PTPRT: variants seen among roughly 807,000 people sequenced by gnomAD.
PTPRT encodes receptor-type tyrosine-protein phosphatase T.
PTPRT carries 56 observed loss-of-function variants against 176.8 expected under a neutral mutation model. The observed-to-expected ratio is 0.32, with a 90% CI of 0.26 to 0.40. The LOEUF is 0.40. Among genes scored for constraint, PTPRT ranks in the 10% least tolerant of loss-of-function variants. The pLI is 1.00. For missense variants in PTPRT, 1,540 were observed against 1,908.2 expected, an observed-to-expected ratio of 0.81 and a Z score of 3.60; for synonymous variants, 783 against 739.0, an observed-to-expected ratio of 1.06 and a Z score of -0.96.
intron 1 of PTPRT, among the ~76,000 whole-genome samples, chr20:43,151,317 CAAA>C (rs11347519): frequency 1.2e-3 from 131 of 108,716 alleles, no homozygotes; most frequent in Middle Eastern, 5.2e-3. Context: ...CCGTCTCAAA[CAAA>C]AAAAAAAAAA....
chr20:42,216,688 T>C (rs1454677550), intron 15 of PTPRT, among the ~76,000 whole-genome samples: 2 of 152,230 alleles, frequency 1.3e-5, no homozygotes, highest in Non-Finnish European at 2.9e-5. Context: ...AGTGACACTT[T>C]CCATTCCTTT....
In PTPRT at chr20:42,218,283, A is replaced by G. The variant is rs1449586293; in HGVS notation, c.2342+17946T>C. Among the ~76,000 whole-genome samples, 8 of 152,376 alleles carry G rather than the reference A, an allele frequency of 5.3e-5. No individual in the cohort carries two copies. The East Asian group carries it at 1.5e-3, about 29-fold the overall frequency. On this transcript the variant is annotated intron_variant, in intron 15 of 30. Transcript: ENST00000373187. ...AAAACTAGAAAATAAAAATGTGTCT[A>G]CATTGTGATTACAACGATGAAGAAG...
chr20:42,681,936 A>G (rs1419743983), intron 6 of PTPRT, among the ~76,000 whole-genome samples: 1 of 152,232 alleles, frequency 6.6e-6, no homozygotes, highest in Non-Finnish European at 1.5e-5. Context: ...AAAATAAAAG[A>G]ATGCATGATG....
chr20:42,589,954 G>A (rs2073540337), intron 7 of PTPRT, among the ~76,000 whole-genome samples: 1 of 152,136 alleles, frequency 6.6e-6, no homozygotes, highest in Admixed American at 6.6e-5. Context: ...CCAGGAGGTG[G>A]AGTTTATGTC....
At chr20:42,573,775 G>A (rs1236517530) in intron 7 of PTPRT, among the ~76,000 whole-genome samples, 10 of 109,818 alleles carry the variant, frequency 9.1e-5, no homozygotes, top group Non-Finnish European at 1.4e-4. Flanking sequence ...TTGAGATGGA[G>A]TCTCACTCTG....
intron 7 of PTPRT, among the ~76,000 whole-genome samples, chr20:42,548,141 T>C (rs1302570849): frequency 6.6e-6 from 1 of 152,102 alleles, no homozygotes; most frequent in Non-Finnish European, 1.5e-5. Context: ...AAATGTGCTA[T>C]ATTATTATTA....
chr20:42,899,555 G>C (rs534841665), intron 1 of PTPRT, among the ~76,000 whole-genome samples: 1 of 152,156 alleles, frequency 6.6e-6, no homozygotes, highest in Non-Finnish European at 1.5e-5. Context: ...TATGCTTGAC[G>C]AGGCTGTTTC....
At chr20:42,919,685 GA>G (rs1257986263) in intron 1 of PTPRT, among the ~76,000 whole-genome samples, 2 of 152,224 alleles carry the variant, frequency 1.3e-5, no homozygotes, top group Non-Finnish European at 2.9e-5. Context: ...TAAAGTTACA[GA>G]GACTTAATAC....
intron 1 of PTPRT, among the ~76,000 whole-genome samples, chr20:43,188,202 C>T (rs937438603): frequency 2.0e-5 from 3 of 152,100 alleles, no homozygotes; most frequent in African/African-American, 7.2e-5. Context: ...ACCTAACACA[C>T]CCCCCAAAAT....
chr20:43,028,100 G>A (rs962069094), intron 1 of PTPRT, among the ~76,000 whole-genome samples: 2 of 152,174 alleles, frequency 1.3e-5, no homozygotes, highest in East Asian at 1.9e-4. Flanking sequence ...TAAGGCAGAC[G>A]AGTCACTGCT....
intron 2 of PTPRT, among the ~76,000 whole-genome samples, chr20:42,860,528 C>T (rs889439639): frequency 3.9e-5 from 6 of 152,082 alleles, no homozygotes; most frequent in African/African-American, 1.4e-4. Context: ...AAATGAAATA[C>T]CTCCGTTTAC....
chr20:42,594,490 C>A (rs537680765), intron 7 of PTPRT, among the ~76,000 whole-genome samples: 1 of 152,232 alleles, frequency 6.6e-6, no homozygotes, highest in South Asian at 2.1e-4. Context: ...TTAATAAAAT[C>A]AAATATAATC....
intron 15 of PTPRT, among the ~76,000 whole-genome samples, chr20:42,221,341 C>T (rs945704044): frequency 1.3e-5 from 2 of 151,984 alleles, no homozygotes; most frequent in Admixed American, 6.6e-5. Flanking sequence ...TATATTAGTC[C>T]ATTCTCATAC....
chr20:42,099,545 G>GT (rs1248898500), intron 26 of PTPRT, among the ~76,000 whole-genome samples: 4 of 51,526 alleles, frequency 7.8e-5, no homozygotes, highest in Admixed American at 1.6e-4. Context: ...AATGGCCTGG[G>GT]CGGGGGGGGG....
intron 1 of PTPRT, among the ~76,000 whole-genome samples, chr20:42,995,288 T>TA (rs1006414627): frequency 2.6e-5 from 4 of 152,150 alleles, no homozygotes; most frequent in Non-Finnish European, 4.4e-5. Flanking sequence ...TAGACAACAT[T>TA]AATGAATAAA....
At chr20:43,030,860 A>G (rs1456911741) in intron 1 of PTPRT, among the ~76,000 whole-genome samples, 1 of 152,216 alleles carries the variant, frequency 6.6e-6, no homozygotes, top group Non-Finnish European at 1.5e-5. Context: ...GAAAGGGAAA[A>G]GCACAAACCC....
chr20:43,078,097 G>A lies in PTPRT; in HGVS notation c.88+111549C>T, dbSNP rs567051505. Among the ~76,000 whole-genome samples the A allele has an allele frequency of 5.9e-5, 9 of 152,204 alleles. No individual in the cohort carries two copies. The East Asian group carries it at 1.2e-3, about 20-fold the overall frequency. ...TACTTAATGTATCTCTCTCCATCTC[G>A]GTTACAAGCTTCATCATAGCAGAAA... On this transcript the variant is annotated intron_variant, in intron 1 of 30. Transcript: ENST00000373187.
intron 8 of PTPRT, among the ~76,000 whole-genome samples, chr20:42,460,922 A>T (rs2071007921): frequency 6.6e-6 from 1 of 152,342 alleles, no homozygotes; most frequent in East Asian, 1.9e-4. Flanking sequence ...GAACCAGCAA[A>T]CTGTAATCCC....
At chr20:42,245,779 T>A (rs1335990381) in intron 14 of PTPRT, among the ~76,000 whole-genome samples, 1 of 152,126 alleles carries the variant, frequency 6.6e-6, no homozygotes, top group Non-Finnish European at 1.5e-5. Flanking sequence ...GGACATCTTA[T>A]GTTTCTGGAA....
Sources: allele counts gnomAD v4.1 joint callset (sites outside exome capture counted in the v4.1 genomes callset), GRCh38; gene constraint gnomAD v4.1.1; transcripts MANE v1.5; gene names NCBI Gene and HGNC (gene_info 2026-07-23, HGNC 2026-07-21).